Variants in COL16A1 observed in about 807,000 individuals in gnomAD.
COL16A1 encodes the protein collagen alpha-1(XVI) chain.
Under a neutral mutation model 266.3 loss-of-function variants are expected in COL16A1, and 189 were observed. The ratio of observed to expected loss-of-function variants is 0.71; its 90% CI spans 0.63 to 0.80. The LOEUF (loss-of-function observed/expected upper bound fraction) is 0.80, where lower values mean the gene tolerates loss of function less well. Among genes scored for constraint, COL16A1 ranks in the 30% least tolerant of loss-of-function variants. The pLI, the probability that COL16A1 is intolerant of heterozygous loss-of-function variation, is 0.00. For synonymous variants in COL16A1, 740 were observed against 782.3 expected, an observed-to-expected ratio of 0.95 and a Z score of 0.90; for missense variants, 1,928 against 2,122.4, an observed-to-expected ratio of 0.91 and a Z score of 1.80.
At chr1:31,665,383 C>T in intron 55 of COL16A1, 149 bp from the exon 56 acceptor site, 1 of 1,416,154 alleles carries the variant, frequency 7.1e-7, no homozygotes, top group Non-Finnish European at 9.5e-7. Context: ...GTCTGCCTGG[C>T]CTGCTGGGCT....
intron 2 of COL16A1, chr1:31,701,598 C>T: frequency 1.0e-6 from 1 of 983,684 alleles, no homozygotes; most frequent in Non-Finnish European, 1.2e-6. Context: ...GAGTCTGGGC[C>T]TCGGGGTGGG....
rs368967625 is a variant in COL16A1 at position 31,668,840 on chromosome 1, G to A, written c.3211C>T (p.Arg1071Ter). The stretch of plus-strand genomic sequence containing the variant: ...TCTCCAGTCAGGCCCGTGAGACCTC[G>A]CTCTCCTTGAAGGCCCTTGGAGAGA... Reference protein sequence around the residue: ...SPGLPGLQGERGLTGLTGDKG... With the variant: ...SPGLPGLQGE The change falls in exon 50 of 71, where the codon CGA (arginine) becomes TGA (stop). Residue 1071 changes from arginine to a stop codon, truncating the protein, a stop_gained. Transcript: ENST00000373672. LOFTEE classifies it high-confidence loss of function. The surrounding 1 kb of genome is among the most constrained non-coding windows in gnomAD (Gnocchi z 5.8). The A allele has an allele frequency of 4.3e-6, 7 of 1,613,488 alleles. No individual in the cohort carries two copies. The Admixed American group carries it at 5.0e-5, about 12-fold the overall frequency.
chr1:31,658,725 T>G, intron 63 of COL16A1, 148 bp from the exon 64 acceptor site: 1 of 1,027,292 alleles, frequency 9.7e-7, no homozygotes, highest in Non-Finnish European at 1.5e-6. Flanking sequence ...TGAGATGACC[T>G]CCAGCCCTCT....
intron 12 of COL16A1, 39 bp downstream of exon 12, chr1:31,694,105 A>G: frequency 6.3e-7 from 1 of 1,588,526 alleles, no homozygotes. Flanking sequence ...TGGGGATGCT[A>G]AAGAGGACGG....
Position 31,672,777 on chromosome 1 carries a change from C to T in COL16A1, c.2923G>A (p.Glu975Lys), listed in dbSNP as rs767946766. The T allele has an allele frequency of 2.7e-5, 44 of 1,614,080 alleles. 2 individuals carry two copies. The South Asian group carries it at 4.7e-4, about 17-fold the overall frequency. ...AHPGYLVEKGEKGDQGIPGVP... is the reference protein window; with the variant it reads ...AHPGYLVEKGKKGDQGIPGVP... ...CCAGGGATGCCCTGGTCTCCCTTCTCTCCCTTCTCCACGAGGTACCCTGGG... is the reference window on the plus strand; with the variant it reads ...CCAGGGATGCCCTGGTCTCCCTTCTTTCCCTTCTCCACGAGGTACCCTGGG... Residue 975 changes from glutamate (E) to lysine (K), a missense_variant, in exon 45 of 71, where the codon GAG (glutamate) becomes AAG (lysine). By Grantham distance (56) the Glu-to-Lys change is moderately conservative. Transcript: ENST00000373672.
Position 31,657,588 on chromosome 1 carries a change from G to A in COL16A1, c.4021-520C>T, listed in dbSNP as rs941169796. 1 of 156,340 alleles carries A rather than the reference G, an allele frequency of 6.4e-6. No individual in the cohort carries two copies. Among genetic ancestry groups the A allele is most frequent in the African/African-American group, 2.4e-5 (1 of 41,578 alleles). 9.7% of individuals were successfully genotyped at this position (156,340 alleles called of 1,614,324 possible). A position where few individuals can be genotyped will look rare whatever the true frequency, so the allele number is the denominator to read the frequency against. On this transcript the variant is annotated intron_variant, in intron 64 of 70. Transcript: ENST00000373672. This position sits in a 1 kb window ranked among gnomAD's most constrained non-coding sequence, Gnocchi z 6.4. ...AGGAATCAGAGCGAATAGGCGTGGT[G>A]AGACTGGGCCCGCCTGGCAGATGGG... is the stretch of plus-strand genomic sequence containing the variant.
chr1:31,695,394 C>T (rs1358796443), intron 10 of COL16A1, among the ~76,000 whole-genome samples, 173 bp from the exon 11 acceptor site: 1 of 148,566 alleles, frequency 6.7e-6, no homozygotes, highest in Non-Finnish European at 1.5e-5. Flanking sequence ...CCCACCCACC[C>T]AGCCCCACAG....
chr1:31,661,501 T>C (rs779685853), intron 59 of COL16A1, 43 bp from the exon 60 acceptor site: 1 of 1,614,162 alleles, frequency 6.2e-7, no homozygotes, highest in Non-Finnish European at 8.5e-7. Context: ...TCATGTCAGC[T>C]GGGGGCCTCT....
At chr1:31,675,810 A>C (rs1231230692) in intron 42 of COL16A1, among the ~76,000 whole-genome samples, 2 of 152,048 alleles carry the variant, frequency 1.3e-5, no homozygotes, top group Non-Finnish European at 2.9e-5. Context: ...AGAGGCGCTC[A>C]CCACCATGCC....
In COL16A1 at chr1:31,680,948, C is replaced by T. The variant is rs1433518049; in HGVS notation, c.2584-17G>A. On this transcript the variant is annotated splice_polypyrimidine_tract_variant and intron_variant, in intron 38 of 70. Coordinates refer to ENST00000373672, the MANE Select transcript of COL16A1 (RefSeq NM_001856.4). ...TTTTTCACCCTGCAGGGAAGAAACA[C>T]AGGAAGGTGAGCAGATAGGGGTGCC... The T allele has an allele frequency of 4.3e-6, 7 of 1,614,054 alleles. No homozygotes were observed. The highest frequency in any genetic ancestry group is 2.2e-5 in the East Asian group (1 of 44,894).
chr1:31,698,601 A>G lies in COL16A1; in HGVS notation c.272T>C (p.Val91Ala), dbSNP rs1266467137. 5 of 1,613,650 alleles carry G rather than the reference A, an allele frequency of 3.1e-6. No homozygotes were observed. Among genetic ancestry groups the G allele is most frequent in the Non-Finnish European group, 4.2e-6 (5 of 1,179,900 alleles). ...AAPVTQPTRR[V>A]FPRGLPEEFA... ...CTCCTCCGGGAGACCCCGAGGGAAT[A>G]CTCTTCTGGAGATGGAGCAGGGAGG... The change falls in exon 5 of 71, where the codon GTA becomes GCA. Residue 91 changes from valine to alanine, a missense_variant. By Grantham distance (64) the Val-to-Ala change is moderately conservative (BLOSUM62 0). Around this residue, in one of 2 missense-constraint regions of COL16A1, gnomAD observed 1,552 missense variants for 1,637.2 expected, o/e 0.95. Coordinates refer to ENST00000373672, the MANE Select transcript of COL16A1 (RefSeq NM_001856.4). This position sits in a 1 kb window ranked among gnomAD's most constrained non-coding sequence, Gnocchi z 4.1.
chr1:31,674,207 G>C (rs1212666876), intron 44 of COL16A1, among the ~76,000 whole-genome samples: 1 of 152,218 alleles, frequency 6.6e-6, no homozygotes, highest in African/African-American at 2.4e-5. Flanking sequence ...TAATTAGCCA[G>C]TGTCAGAAGA....
chr1:31,676,100 G>A (rs1302375434), intron 42 of COL16A1, among the ~76,000 whole-genome samples: 4 of 152,020 alleles, frequency 2.6e-5, no homozygotes, highest in South Asian at 2.1e-4. Context: ...CGAGGTGGGC[G>A]GATCACCTGA....
chr1:31,661,300 G>A (rs1403544363), intron 60 of COL16A1, 114 bp downstream of exon 60: 17 of 1,564,188 alleles, frequency 1.1e-5, no homozygotes, highest in African/African-American at 1.4e-5. Flanking sequence ...GTGGCCCCAG[G>A]AGGCTCTGAT....
chr1:31,692,696 C>T, intron 14 of COL16A1, 54 bp from the exon 15 acceptor site: 1 of 1,613,382 alleles, frequency 6.2e-7, no homozygotes, highest in Admixed American at 1.7e-5. Context: ...GATGGGCTGC[C>T]AAGCGCACAG....
In COL16A1 at chr1:31,670,805, GACA is replaced by G; in HGVS notation, c.3151-162_3151-160del. Among the ~76,000 whole-genome samples the G allele has an allele frequency of 6.6e-6, 1 of 152,314 alleles. No individual in the cohort carries two copies. Among genetic ancestry groups the G allele is most frequent in the African/African-American group, 2.4e-5 (1 of 41,582 alleles). ...ACTCCTTGAAAGTCTTGGCTCAAAA[GACA>G]ACTGTTCCTCCCCTTGGCTCCAGGA... On this transcript the variant is annotated intron_variant, in intron 48 of 70. Coordinates refer to ENST00000373672, the MANE Select transcript of COL16A1 (RefSeq NM_001856.4). This position sits in a 1 kb window ranked among gnomAD's most constrained non-coding sequence, Gnocchi z 4.5.
At chr1:31,672,258 G>A (rs1258577645) in intron 47 of COL16A1, among the ~76,000 whole-genome samples, 158 bp downstream of exon 47, 1 of 151,824 alleles carries the variant, frequency 6.6e-6, no homozygotes, top group Non-Finnish European at 1.5e-5. Flanking sequence ...TCCTACGCTG[G>A]GTCCTGTGTA....
At chr1:31,665,661 T>C (rs1642068117) in intron 54 of COL16A1, 43 bp from the exon 55 acceptor site, 4 of 1,606,654 alleles carry the variant, frequency 2.5e-6, no homozygotes, top group Admixed American at 1.7e-5. Context: ...CCACCCCCTC[T>C]CTCCTGCCTG....
In COL16A1 at chr1:31,684,529, T is replaced by G; in HGVS notation, c.2154A>C (p.Gly718=). The change falls in exon 31 of 71, where the codon GGA becomes GGC. Residue 718 remains glycine, a synonymous_variant. Coordinates refer to ENST00000373672, the MANE Select transcript of COL16A1 (RefSeq NM_001856.4). ...PGVQGPAGPK[G]EKGDGCTACP... is the part of the protein sequence containing the mutation. ...ACCACCCCGCCTGACTAACCTTTTC[T>G]CCTTTTGGCCCCGCGGGGCCCTGAA... 6.2e-7 allele frequency: 1 copy of G among 1,611,740 alleles called. No individual in the cohort carries two copies. The highest frequency in any genetic ancestry group is 8.5e-7 in the Non-Finnish European group (1 of 1,178,996).
Sources: allele counts gnomAD v4.1 joint callset (sites outside exome capture counted in the v4.1 genomes callset), GRCh38; gene constraint gnomAD v4.1.1; regional missense constraint gnomAD v4.1.1; non-coding constraint Gnocchi (gnomAD v3.1); transcripts MANE v1.5; gene names NCBI Gene and HGNC (gene_info 2026-07-23, HGNC 2026-07-21).